Variants in BTBD16 observed in about 807,000 individuals in gnomAD.
BTBD16 encodes the protein BTB domain containing 16.
Under a neutral mutation model 67.4 loss-of-function variants are expected in BTBD16, and 66 were observed. The ratio of observed to expected loss-of-function variants is 0.98; its 90% CI spans 0.80 to 1.20. BTBD16 has a LOEUF of 1.20. Ranked by LOEUF, BTBD16 falls within the 50% of genes most tolerant of loss-of-function variation. BTBD16 has a pLI of 0.00. For missense variants in BTBD16, 634 were observed against 616.0 expected (o/e 1.03, Z -0.31); for synonymous variants, 242 against 236.4 (o/e 1.02, Z -0.22).
chr10:122,271,563 T>A (rs1204727836), intron 1 of BTBD16, 49 bp downstream of exon 1: 1 of 152,208 alleles, frequency 6.6e-6, no homozygotes, highest in African/African-American at 2.4e-5. Context: ...AAGAAATGTG[T>A]CCTAGTGACA....
intron 10 of BTBD16, among the ~76,000 whole-genome samples, chr10:122,314,633 T>C (rs948920702): frequency 6.6e-6 from 1 of 152,240 alleles, no homozygotes; most frequent in Admixed American, 6.5e-5. Context: ...TTGTAAATAG[T>C]ATCATTTAAA....
Position 122,334,960 on chromosome 10 carries a change from C to A in BTBD16, c.1244C>A (p.Ser415Tyr). The A allele has an allele frequency of 6.5e-7, 1 of 1,536,840 alleles. No individual in the cohort carries two copies. Among genetic ancestry groups the A allele is most frequent in the Non-Finnish European group, 9.0e-7 (1 of 1,114,868 alleles). ...AAGGGACTCAAACATGATACTACCT[C>A]TTATAGTTTTTACATGCAGGTAAGG... ...KIKGLKHDTT[S>Y]YSFYMQRIKH... Residue 415 changes from serine (S) to tyrosine (Y), a missense_variant, in exon 14 of 16, where the codon TCT becomes TAT. Physicochemically the swap from Ser to Tyr is moderately radical, Grantham distance 144. Coordinates refer to ENST00000260723, the MANE Select transcript of BTBD16 (RefSeq NM_144587.5).
At chr10:122,294,197 G>A (rs1402057356) in intron 7 of BTBD16, 8 of 985,314 alleles carry the variant, frequency 8.1e-6, no homozygotes, top group Admixed American at 1.2e-4. Flanking sequence ...GGCTGATGGC[G>A]CAGTTGGCAG....
intron 5 of BTBD16, among the ~76,000 whole-genome samples, chr10:122,287,936 A>G (rs1162416898): frequency 6.6e-6 from 1 of 152,176 alleles, no homozygotes; most frequent in African/African-American, 2.4e-5. Context: ...AATTATTGAT[A>G]TCTTATCCAA....
At chr10:122,289,501 G>A (rs1343404218) in intron 5 of BTBD16, among the ~76,000 whole-genome samples, 1 of 152,168 alleles carries the variant, frequency 6.6e-6, no homozygotes, top group Non-Finnish European at 1.5e-5. Flanking sequence ...CACTTTGGGA[G>A]GCTGAGGCTG....
In BTBD16 at chr10:122,280,874, C is replaced by G. The variant is rs913496294; in HGVS notation, c.168-2977C>G. 2.0e-5 allele frequency among the ~76,000 whole-genome samples: 3 copies of G among 152,298 alleles called. No homozygotes were observed. In the East Asian group the frequency reaches 5.8e-4, roughly 29 times the overall value. ...AGGCTGGAGTGTAGTAGTGCAATCA[C>G]AGCTCACTGCAGCCTCAGCCTCCCA... On this transcript the variant is annotated intron_variant, in intron 3 of 15. Transcript: ENST00000260723.
At position 122,310,953 on chromosome 10, in the gene BTBD16, T is replaced by C. The variant is rs1425943806; in HGVS notation, c.911+3645T>C. Among the ~76,000 whole-genome samples the C allele has an allele frequency of 2.0e-5, 3 of 152,168 alleles. No homozygotes were observed. The East Asian group carries it at 5.8e-4, about 29-fold the overall frequency. ...GAAAGGAGGGTCGAGAGCCATTAAC[T>C]GAGTAAAATGAGTCAGACGCCCCTT... is the stretch of plus-strand genomic sequence containing the variant. On this transcript the variant is annotated intron_variant, in intron 10 of 15. Transcript: ENST00000260723.
At chr10:122,290,137 A>C in intron 6 of BTBD16, 139 bp downstream of exon 6, 3 of 578,618 alleles carry the variant, frequency 5.2e-6, no homozygotes, top group African/African-American at 3.8e-5. Context: ...AAAGGCCCGA[A>C]CGTGCAAAGA....
At chr10:122,324,421 T>A (rs905262025) in intron 10 of BTBD16, among the ~76,000 whole-genome samples, 6 of 152,220 alleles carry the variant, frequency 3.9e-5, no homozygotes, top group African/African-American at 7.2e-5. Flanking sequence ...TGATGCTGTG[T>A]CCCCAGGGTG....
At chr10:122,325,770 T>C (rs2096443527) in intron 10 of BTBD16, among the ~76,000 whole-genome samples, 1 of 151,892 alleles carries the variant, frequency 6.6e-6, no homozygotes, top group African/African-American at 2.4e-5. Context: ...CTGCCTCCCA[T>C]GTTCAAGCAA....
Position 122,334,943 on chromosome 10 carries a change from C to A in BTBD16, c.1227C>A (p.Leu409=). 1 of 1,567,176 alleles carries A rather than the reference C, an allele frequency of 6.4e-7. No individual in the cohort carries two copies. Among genetic ancestry groups the A allele is most frequent in the Non-Finnish European group, 8.8e-7 (1 of 1,139,692 alleles). ...LYGFFFKIKG[L]KHDTTSYSFY... is the part of the protein sequence containing the mutation. Reference sequence around the variant, plus strand: ...GATTCTTCTTTAAGATAAAGGGACTCAAACATGATACTACCTCTTATAGTT... The same window carrying A: ...GATTCTTCTTTAAGATAAAGGGACTAAAACATGATACTACCTCTTATAGTT... Residue 409 remains leucine (L), a synonymous_variant, in exon 14 of 16, where the codon CTC becomes CTA. Coordinates refer to ENST00000260723, the MANE Select transcript of BTBD16 (RefSeq NM_144587.5).
chr10:122,296,641 C>A (rs763474495), intron 7 of BTBD16, among the ~76,000 whole-genome samples: 3 of 152,134 alleles, frequency 2.0e-5, no homozygotes, highest in Non-Finnish European at 4.4e-5. Context: ...CATCTGTGAC[C>A]CTACCTGCCA....
Position 122,291,882 on chromosome 10 carries a change from G to T in BTBD16, c.590+688G>T, listed in dbSNP as rs527616015. Among the ~76,000 whole-genome samples, 300 of 152,286 alleles carry T rather than the reference G, an allele frequency of 2.0e-3. 2 individuals are homozygous for T. The highest frequency in any genetic ancestry group is 6.5e-3 in the African/African-American group (271 of 41,556). ...GAGGGTTCATCAGGGTGTGTTGGGG[G>T]TGTGGGGAGGAGGTGGTGGGGAACC... On this transcript the variant is annotated intron_variant, in intron 7 of 15. Transcript: ENST00000260723.
chr10:122,332,138 T>G, intron 12 of BTBD16: 1 of 247,756 alleles, frequency 4.0e-6, no homozygotes, highest in Non-Finnish European at 7.7e-6. Context: ...TTGCTCTTGA[T>G]TTTGTGACTG....
intron 12 of BTBD16, 141 bp from the exon 13 acceptor site, chr10:122,332,294 TG>T: frequency 1.5e-6 from 1 of 666,154 alleles, no homozygotes; most frequent in South Asian, 1.9e-5. Context: ...ACTGAATGAA[TG>T]GCTGAATGTA....
chr10:122,286,550 T>C (rs1359794542), intron 5 of BTBD16, among the ~76,000 whole-genome samples: 1 of 152,106 alleles, frequency 6.6e-6, no homozygotes, highest in Admixed American at 6.5e-5. Flanking sequence ...ACCCGAGTCT[T>C]GTCTGGCCAG....
At chr10:122,313,115 G>C (rs911462140) in intron 10 of BTBD16, among the ~76,000 whole-genome samples, 2 of 151,788 alleles carry the variant, frequency 1.3e-5, no homozygotes, top group African/African-American at 4.8e-5. Flanking sequence ...TGATCCAGGT[G>C]ATCTGCCTGA....
intron 8 of BTBD16, 95 bp downstream of exon 8, chr10:122,297,932 C>A (rs1299039561): frequency 7.6e-6 from 8 of 1,056,996 alleles, no homozygotes; most frequent in Non-Finnish European, 1.1e-5. Flanking sequence ...TACTTCCCCC[C>A]AGAATATCTA....
At chr10:122,272,678 TACACACACACACACACAC>T (rs112265160) in intron 1 of BTBD16, among the ~76,000 whole-genome samples, 9 of 147,698 alleles carry the variant, frequency 6.1e-5, no homozygotes, top group African/African-American at 2.2e-4. Flanking sequence ...GCAAAGGAAA[TACACACACACACACACAC>T]ACACACACAC....
Sources: gnomAD v4.1 joint callset for allele counts (sites outside exome capture counted in the v4.1 genomes callset) on GRCh38, gnomAD v4.1.1 for gene constraint, MANE v1.5 for transcripts, NCBI Gene and HGNC (gene_info 2026-07-23, HGNC 2026-07-21) for gene names.